Variants in STXBP6 observed in about 807,000 individuals in gnomAD.
STXBP6 encodes the protein syntaxin-binding protein 6.
Under a neutral mutation model 26.9 loss-of-function variants are expected in STXBP6, and 21 were observed. The observed-to-expected ratio is 0.78, with a 90% CI of 0.55 to 1.12. The LOEUF (loss-of-function observed/expected upper bound fraction) is 1.12. Among genes scored for constraint, STXBP6 ranks in the 50% most tolerant of loss-of-function variants. STXBP6 has a pLI of 0.00. For missense variants in STXBP6, 232 were observed against 257.9 expected (o/e 0.90, Z 0.69); for synonymous variants, 97 against 92.6 (o/e 1.05, Z -0.27).
In STXBP6 at chr14:25,049,949, G is replaced by A. The variant is rs983134046; in HGVS notation, c.-104C>T. ...TCCCAGAGCACGAGGCTCCTCCCCGGGGGGCTGCCCCGCGCGGGGCTCCGG... is the reference window on the plus strand; with the variant it reads ...TCCCAGAGCACGAGGCTCCTCCCCGAGGGGCTGCCCCGCGCGGGGCTCCGG... On this transcript the variant is annotated 5_prime_UTR_variant, in exon 1 of 6. Coordinates refer to ENST00000323944, the MANE Select transcript of STXBP6 (RefSeq NM_001394410.1). The surrounding 1 kb of genome is among the most constrained non-coding windows in gnomAD (Gnocchi z 5.6). 29 of 909,394 alleles carry A rather than the reference G, an allele frequency of 3.2e-5. No homozygotes were observed. Among genetic ancestry groups the A allele is most frequent in the Non-Finnish European group, 3.8e-5 (29 of 761,510 alleles). The allele number at this position is 909,394 out of a possible 1,614,324, so 56.3% of individuals were successfully genotyped here. A position where few individuals can be genotyped will look rare whatever the true frequency, so the allele number is the denominator to read the frequency against.
At chr14:25,039,900 G>A (rs1290919897) in intron 1 of STXBP6, among the ~76,000 whole-genome samples, 1 of 151,978 alleles carries the variant, frequency 6.6e-6, no homozygotes, top group African/African-American at 2.4e-5. Flanking sequence ...GTAGAGACAG[G>A]ATTTCACCAT....
chr14:24,997,674 C>T (rs1162372242), intron 1 of STXBP6, among the ~76,000 whole-genome samples: 2 of 152,114 alleles, frequency 1.3e-5, no homozygotes, highest in Admixed American at 6.5e-5. Flanking sequence ...ATAAGCAATA[C>T]AAAAATGCAC....
intron 2 of STXBP6, among the ~76,000 whole-genome samples, chr14:24,865,605 C>A (rs1346679584): frequency 6.6e-6 from 1 of 152,128 alleles, no homozygotes; most frequent in Non-Finnish European, 1.5e-5. Flanking sequence ...ATACAGTACT[C>A]CATGCTCACA....
At chr14:24,826,625 C>A (rs1472567895) in intron 4 of STXBP6, among the ~76,000 whole-genome samples, 1 of 152,132 alleles carries the variant, frequency 6.6e-6, no homozygotes, top group Non-Finnish European at 1.5e-5. Flanking sequence ...GAGTCCATTG[C>A]CTATTTTATG....
chr14:24,951,539 C>T (rs1002113962), intron 2 of STXBP6, among the ~76,000 whole-genome samples: 1 of 152,164 alleles, frequency 6.6e-6, no homozygotes, highest in Non-Finnish European at 1.5e-5. Context: ...AATGTCTGTT[C>T]ATGTCCTTTG....
intron 1 of STXBP6, among the ~76,000 whole-genome samples, chr14:24,975,418 T>C (rs979982224): frequency 6.6e-6 from 1 of 152,348 alleles, no homozygotes; most frequent in South Asian, 2.1e-4. Flanking sequence ...CGCTAAGTAA[T>C]GAATTCTTAT....
intron 2 of STXBP6, among the ~76,000 whole-genome samples, chr14:24,972,683 G>A (rs1208411612): frequency 6.6e-6 from 1 of 152,154 alleles, no homozygotes; most frequent in East Asian, 1.9e-4. Context: ...GCAGAACTGT[G>A]GAATCTAAAT....
chr14:25,013,795 T>A (rs1295652045), intron 1 of STXBP6, among the ~76,000 whole-genome samples: 1 of 149,192 alleles, frequency 6.7e-6, no homozygotes, highest in East Asian at 1.9e-4. Flanking sequence ...ATCCACAGAT[T>A]AAAAGGGACT....
At chr14:24,925,573 G>A (rs564426015) in intron 2 of STXBP6, among the ~76,000 whole-genome samples, 119 of 152,268 alleles carry the variant, frequency 7.8e-4, no homozygotes, top group African/African-American at 2.8e-3. Context: ...TCCCCAAGGA[G>A]GTACCAAGAA....
chr14:24,880,803 A>C (rs1245821575), intron 2 of STXBP6, among the ~76,000 whole-genome samples: 1 of 152,202 alleles, frequency 6.6e-6, no homozygotes, highest in Non-Finnish European at 1.5e-5. Context: ...GGTACTAAAA[A>C]GGAAAGAAAG....
At chr14:24,937,429 A>G (rs959990285) in intron 2 of STXBP6, among the ~76,000 whole-genome samples, 1 of 151,332 alleles carries the variant, frequency 6.6e-6, no homozygotes, top group African/African-American at 2.5e-5. Flanking sequence ...ACTGAACAAC[A>G]TAATCTTTTT....
chr14:24,840,738 C>T (rs2139016996), intron 4 of STXBP6, among the ~76,000 whole-genome samples: 1 of 152,244 alleles, frequency 6.6e-6, no homozygotes, highest in South Asian at 2.1e-4. Context: ...AGAGTTTGCC[C>T]TCATAAATTC....
At chr14:24,921,247 T>C (rs2071967342) in intron 2 of STXBP6, among the ~76,000 whole-genome samples, 1 of 152,154 alleles carries the variant, frequency 6.6e-6, no homozygotes, top group Non-Finnish European at 1.5e-5. Context: ...AGCTAATAAT[T>C]ACTGCTGTTA....
At chr14:24,851,482 G>A (rs1367073803) in intron 4 of STXBP6, among the ~76,000 whole-genome samples, 5 of 146,556 alleles carry the variant, frequency 3.4e-5, no homozygotes, top group African/African-American at 5.1e-5. Flanking sequence ...GTGAGAACAT[G>A]CGGTGTTTGG....
chr14:24,839,181 A>G (rs17108738), intron 4 of STXBP6, among the ~76,000 whole-genome samples: 7 of 152,066 alleles, frequency 4.6e-5, no homozygotes, highest in African/African-American at 1.4e-4. Flanking sequence ...AATTTTAGAC[A>G]TATCTGTGTT....
intron 2 of STXBP6, among the ~76,000 whole-genome samples, chr14:24,954,096 A>T (rs2073261766): frequency 6.6e-6 from 1 of 152,158 alleles, no homozygotes; most frequent in Admixed American, 6.5e-5. Context: ...CCCATCAATC[A>T]TCTCTGGCCT....
intron 4 of STXBP6, among the ~76,000 whole-genome samples, chr14:24,843,101 T>A (rs1463109145): frequency 6.6e-6 from 1 of 152,204 alleles, no homozygotes; most frequent in African/African-American, 2.4e-5. Flanking sequence ...ACCTTTATTA[T>A]GGATATGATT....
intron 2 of STXBP6, among the ~76,000 whole-genome samples, chr14:24,935,519 A>G (rs1345112392): frequency 6.6e-6 from 1 of 152,216 alleles, no homozygotes; most frequent in East Asian, 1.9e-4. Context: ...CTAAATTTCA[A>G]AAGGAAGAAA....
At chr14:25,037,657 C>A (rs2140492629) in intron 1 of STXBP6, among the ~76,000 whole-genome samples, 1 of 152,274 alleles carries the variant, frequency 6.6e-6, no homozygotes, top group African/African-American at 2.4e-5. Context: ...TTGCTATTTC[C>A]CAAAATCACT....
Sources: gnomAD v4.1 joint callset for allele counts (sites outside exome capture counted in the v4.1 genomes callset) on GRCh38, gnomAD v4.1.1 for gene constraint, Gnocchi (gnomAD v3.1) non-coding constraint, MANE v1.5 for transcripts, NCBI Gene and HGNC (gene_info 2026-07-23, HGNC 2026-07-21) for gene names.